CACNA2D1: variants seen among roughly 807,000 people sequenced by gnomAD.
The protein encoded by CACNA2D1 is calcium voltage-gated channel auxiliary subunit alpha2delta 1.
A neutral mutation model predicts 171.5 loss-of-function variants in CACNA2D1; 53 were observed. That is an observed-to-expected ratio of 0.31 (90% CI 0.25 to 0.39). The LOEUF (loss-of-function observed/expected upper bound fraction) is 0.39. Ranked by LOEUF, CACNA2D1 falls within the 10% of genes least tolerant of loss-of-function variation. CACNA2D1 has a pLI of 1.00. For missense variants in CACNA2D1, 903 were observed against 1,299.8 expected, an observed-to-expected ratio of 0.69 and a Z score of 4.69; for synonymous variants, 442 against 443.1, an observed-to-expected ratio of 1.00 and a Z score of 0.03.
At chr7:82,175,871 T>A (rs1299187546) in intron 3 of CACNA2D1, among the ~76,000 whole-genome samples, 1 of 151,990 alleles carries the variant, frequency 6.6e-6, no homozygotes, top group African/African-American at 2.4e-5. Context: ...ACCCGTAGAA[T>A]AGGCTATGTC....
chr7:82,142,445 C>A (rs370177626), intron 4 of CACNA2D1, among the ~76,000 whole-genome samples: 1 of 152,134 alleles, frequency 6.6e-6, no homozygotes, highest in African/African-American at 2.4e-5. Flanking sequence ...CACTTGCTCA[C>A]AAATGTGGGC....
chr7:82,169,108 A>G (rs1341854023), intron 4 of CACNA2D1, among the ~76,000 whole-genome samples: 1 of 152,068 alleles, frequency 6.6e-6, no homozygotes, highest in African/African-American at 2.4e-5. Flanking sequence ...ATATTTAGCT[A>G]GATTTGTTTT....
At chr7:82,022,827 T>C (rs543476870) in intron 12 of CACNA2D1, among the ~76,000 whole-genome samples, 2 of 152,078 alleles carry the variant, frequency 1.3e-5, no homozygotes, top group South Asian at 4.1e-4. Context: ...TATTGTCAAG[T>C]GATTATAACT....
At chr7:82,109,967 G>C (rs1352097609) in intron 6 of CACNA2D1, among the ~76,000 whole-genome samples, 2 of 152,100 alleles carry the variant, frequency 1.3e-5, no homozygotes, top group Non-Finnish European at 1.5e-5. Context: ...GAATGACGTC[G>C]TTTTTTACCC....
At chr7:82,209,190 G>C (rs1000309933) in intron 3 of CACNA2D1, among the ~76,000 whole-genome samples, 1 of 152,132 alleles carries the variant, frequency 6.6e-6, no homozygotes, top group African/African-American at 2.4e-5. Context: ...AAATATGTCT[G>C]GGGGAAATTA....
At chr7:82,403,747 G>C (rs1232507346) in intron 1 of CACNA2D1, among the ~76,000 whole-genome samples, 1 of 152,162 alleles carries the variant, frequency 6.6e-6, no homozygotes, top group Non-Finnish European at 1.5e-5. Flanking sequence ...GGGAAGACCG[G>C]AATTAATGCT....
At chr7:82,113,833 C>CA (rs1280628859) in intron 6 of CACNA2D1, among the ~76,000 whole-genome samples, 1 of 152,048 alleles carries the variant, frequency 6.6e-6, no homozygotes, top group East Asian at 1.9e-4. Context: ...CAGCTTATAA[C>CA]ATTGGACATG....
chr7:82,083,751 C>T (rs1810095088), intron 7 of CACNA2D1, among the ~76,000 whole-genome samples: 1 of 152,106 alleles, frequency 6.6e-6, no homozygotes, highest in African/African-American at 2.4e-5. Context: ...ATGGTTTTTA[C>T]CTAATTTGAG....
intron 1 of CACNA2D1, among the ~76,000 whole-genome samples, chr7:82,389,205 G>A (rs1471488655): frequency 6.7e-6 from 1 of 149,090 alleles, no homozygotes; most frequent in East Asian, 1.9e-4. Context: ...AAAGGTATAT[G>A]TATGTAAAGG....
intron 3 of CACNA2D1, among the ~76,000 whole-genome samples, chr7:82,268,636 GGC>G (rs1411537070): frequency 6.6e-6 from 1 of 151,842 alleles, no homozygotes; most frequent in Non-Finnish European, 1.5e-5. Context: ...AAATTATTTG[GGC>G]TATGTGGAGC....
At chr7:82,133,653 G>A (rs916323459) in intron 5 of CACNA2D1, among the ~76,000 whole-genome samples, 4 of 152,102 alleles carry the variant, frequency 2.6e-5, no homozygotes, top group Admixed American at 2.6e-4. Flanking sequence ...TACTCACAAA[G>A]GAAAATTAAA....
intron 5 of CACNA2D1, among the ~76,000 whole-genome samples, chr7:82,119,641 T>C (rs1445364468): frequency 6.6e-6 from 1 of 152,196 alleles, no homozygotes; most frequent in African/African-American, 2.4e-5. Flanking sequence ...ATTCAAAAAT[T>C]AAAGTCTATA....
chr7:81,986,088 C>T (rs1254694353), intron 21 of CACNA2D1, among the ~76,000 whole-genome samples: 1 of 152,200 alleles, frequency 6.6e-6, no homozygotes, highest in Non-Finnish European at 1.5e-5. Context: ...TGCTAATACT[C>T]AAATGTAGGA....
chr7:82,381,923 A>G lies in CACNA2D1; in HGVS notation c.96-32274T>C, dbSNP rs538181833. 1.2e-3 allele frequency among the ~76,000 whole-genome samples: 178 copies of G among 149,430 alleles called. 1 individual carries two copies. Among genetic ancestry groups the G allele is most frequent in the African/African-American group, 4.4e-3 (175 of 39,390 alleles). On this transcript the variant is annotated intron_variant, in intron 1 of 38. Transcript: ENST00000356860. Reference sequence around the variant, plus strand: ...TACTTTTGTACAGATTTTATTTCCTATAGTTTTATATTCATAGAAGTGTAT... The same window carrying G: ...TACTTTTGTACAGATTTTATTTCCTGTAGTTTTATATTCATAGAAGTGTAT...
chr7:82,081,622 T>C (rs1220367140), intron 7 of CACNA2D1, among the ~76,000 whole-genome samples: 1 of 152,178 alleles, frequency 6.6e-6, no homozygotes, highest in African/African-American at 2.4e-5. Flanking sequence ...GTATTGTGAG[T>C]GGGCACATGG....
intron 4 of CACNA2D1, among the ~76,000 whole-genome samples, chr7:82,147,582 T>C (rs1391295017): frequency 1.1e-4 from 17 of 152,160 alleles, no homozygotes; most frequent in Admixed American, 1.0e-3. Flanking sequence ...TCCTATTGAC[T>C]CAGACACCCC....
At chr7:82,149,686 T>C (rs1793563479) in intron 4 of CACNA2D1, among the ~76,000 whole-genome samples, 1 of 151,358 alleles carries the variant, frequency 6.6e-6, no homozygotes, top group Non-Finnish European at 1.5e-5. Context: ...CCCAGCACTT[T>C]GGGAGGCCAA....
At chr7:82,081,885 C>T (rs1016471988) in intron 7 of CACNA2D1, among the ~76,000 whole-genome samples, 23 of 148,350 alleles carry the variant, frequency 1.6e-4, no homozygotes, top group African/African-American at 5.5e-4. Context: ...GTGCAGGCTC[C>T]GGTCCGCCAT....
intron 1 of CACNA2D1, among the ~76,000 whole-genome samples, chr7:82,407,160 T>C (rs1208135428): frequency 6.6e-6 from 1 of 152,198 alleles, no homozygotes; most frequent in African/African-American, 2.4e-5. Flanking sequence ...TCAACTCTGC[T>C]CAAGTGAATT....
Sources: gnomAD v4.1 joint callset for allele counts (sites outside exome capture counted in the v4.1 genomes callset) on GRCh38, gnomAD v4.1.1 for gene constraint, MANE v1.5 for transcripts, NCBI Gene and HGNC (gene_info 2026-07-23, HGNC 2026-07-21) for gene names.